AGBL1: variants seen among roughly 807,000 people sequenced by gnomAD.
AGBL1 encodes the protein cytosolic carboxypeptidase 4.
AGBL1 carries 130 observed loss-of-function variants against 118.9 expected under a neutral mutation model. That is an observed-to-expected ratio of 1.09 (90% CI 0.95 to 1.26). The LOEUF is 1.26. Ranked by LOEUF, AGBL1 falls within the 50% of genes most tolerant of loss-of-function variation. The pLI, the probability that AGBL1 is intolerant of heterozygous loss-of-function variation, is 0.00. For missense variants in AGBL1, 1,584 were observed against 1,298.1 expected, an observed-to-expected ratio of 1.22 and a Z score of -3.38; for synonymous variants, 555 against 478.9, an observed-to-expected ratio of 1.16 and a Z score of -2.08.
rs570090562 is a variant in AGBL1 at position 86,925,932 on chromosome 15, G to C, written c.3222-62055G>C. Among the ~76,000 whole-genome samples, 3 of 151,818 alleles carry C rather than the reference G, an allele frequency of 2.0e-5. No homozygotes were observed. In the East Asian group the frequency reaches 5.8e-4, roughly 30 times the overall value. On this transcript the variant is annotated intron_variant, in intron 23 of 24. Transcript: ENST00000441037. ...TTCTTAATAGAGACGGGGTTTCACT[G>C]TGTTAGTTACGATGGTCTCAATCTC...
rs549695644 is a variant in AGBL1, at chr15:86,810,699, A to T, written c.3159-96388A>T. The stretch of plus-strand genomic sequence containing the variant: ...TTGTGTGTGGCCAGTGCAGAGGAAA[A>T]TTTTTTTTCCATCTCTGGTGTGCTT... On this transcript the variant is annotated intron_variant, in intron 22 of 22. Coordinates refer to ENST00000614907, the MANE Select transcript of AGBL1 (RefSeq NM_001386094.1). Among the ~76,000 whole-genome samples the T allele has an allele frequency of 1.4e-4, 21 of 151,760 alleles. No individual in the cohort carries two copies. The South Asian group carries it at 2.1e-3, about 15-fold the overall frequency.
chr15:86,496,055 T>A (rs1156624521), intron 18 of AGBL1, among the ~76,000 whole-genome samples: 1 of 151,994 alleles, frequency 6.6e-6, no homozygotes, highest in Non-Finnish European at 1.5e-5. Flanking sequence ...TGTGTCCCTA[T>A]CCAGATCTTA....
At chr15:86,287,745 T>C (rs1246290888) in intron 16 of AGBL1, among the ~76,000 whole-genome samples, 1 of 152,116 alleles carries the variant, frequency 6.6e-6, no homozygotes, top group Admixed American at 6.6e-5. Flanking sequence ...CAAACAGATT[T>C]AATAAGAAAG....
chr15:86,885,461 G>T (rs953730489), intron 22 of AGBL1, among the ~76,000 whole-genome samples: 2 of 152,034 alleles, frequency 1.3e-5, no homozygotes, highest in African/African-American at 4.8e-5. Flanking sequence ...AATACCATAC[G>T]TTGATTATTT....
At chr15:86,821,820 T>C (rs868668961) in intron 22 of AGBL1, among the ~76,000 whole-genome samples, 28 of 152,326 alleles carry the variant, frequency 1.8e-4, no homozygotes, top group Middle Eastern at 6.8e-3. Context: ...CTGCTTCAGA[T>C]TTGCTCAGCT....
At chr15:87,017,210 C>T (rs1245136630) in intron 24 of AGBL1, among the ~76,000 whole-genome samples, 1 of 151,946 alleles carries the variant, frequency 6.6e-6, no homozygotes, top group Non-Finnish European at 1.5e-5. Flanking sequence ...AGCCTGCCAA[C>T]TCTGGAGAGT....
At chr15:86,758,278 T>G (rs1459411215) in intron 22 of AGBL1, among the ~76,000 whole-genome samples, 1 of 152,102 alleles carries the variant, frequency 6.6e-6, no homozygotes, top group Non-Finnish European at 1.5e-5. Context: ...ACAAGGTCTT[T>G]GCATAGTTTC....
chr15:86,330,954 G>A (rs1170128783), intron 17 of AGBL1, among the ~76,000 whole-genome samples: 2 of 152,106 alleles, frequency 1.3e-5, no homozygotes, highest in Non-Finnish European at 2.9e-5. Context: ...GGGAAGATGC[G>A]GTAGCTCATG....
chr15:86,667,900 T>C (rs1016650482), intron 21 of AGBL1, among the ~76,000 whole-genome samples: 3 of 152,064 alleles, frequency 2.0e-5, no homozygotes, highest in African/African-American at 7.2e-5. Context: ...AGAAAAGAGG[T>C]TTATTTGGCT....
intron 18 of AGBL1, among the ~76,000 whole-genome samples, chr15:86,404,722 A>T (rs547515616): frequency 1.3e-5 from 2 of 152,220 alleles, no homozygotes; most frequent in Non-Finnish European, 2.9e-5. Context: ...CCTTTTCTAC[A>T]TGGGATTATG....
chr15:86,605,447 A>G (rs2084561976), intron 21 of AGBL1, among the ~76,000 whole-genome samples: 1 of 152,114 alleles, frequency 6.6e-6, no homozygotes, highest in African/African-American at 2.4e-5. Flanking sequence ...GCAGCTAAAA[A>G]CTGTCCTTTG....
intron 22 of AGBL1, among the ~76,000 whole-genome samples, chr15:86,777,443 C>A (rs548634736): frequency 2.0e-5 from 3 of 151,588 alleles, no homozygotes; most frequent in Admixed American, 6.6e-5. Flanking sequence ...TTTCCCTTTA[C>A]AATATCATCT....
chr15:86,259,154 T>A (rs1264435082), intron 9 of AGBL1, among the ~76,000 whole-genome samples: 2 of 152,224 alleles, frequency 1.3e-5, no homozygotes, highest in African/African-American at 4.8e-5. Context: ...GTAGGATGTT[T>A]AGCAGCATTC....
intron 22 of AGBL1, among the ~76,000 whole-genome samples, chr15:86,786,252 C>T (rs545868600): frequency 4.4e-4 from 67 of 152,000 alleles, no homozygotes; most frequent in Non-Finnish European, 8.5e-4. Flanking sequence ...GCTATCCCTC[C>T]CCCTTCCCCC....
chr15:86,435,562 T>G (rs557591749), intron 18 of AGBL1, among the ~76,000 whole-genome samples: 3 of 152,296 alleles, frequency 2.0e-5, no homozygotes, highest in Admixed American at 6.5e-5. Context: ...AAATTAGAGA[T>G]TTAAGGTTCT....
At chr15:86,539,872 T>A (rs764779393) in intron 19 of AGBL1, among the ~76,000 whole-genome samples, 15 of 152,208 alleles carry the variant, frequency 9.9e-5, no homozygotes, top group Admixed American at 6.5e-4. Context: ...GCTGCTTATC[T>A]CTACTTCAGC....
intron 22 of AGBL1, among the ~76,000 whole-genome samples, chr15:86,743,015 C>T (rs911692833): frequency 6.6e-6 from 1 of 152,020 alleles, no homozygotes; most frequent in African/African-American, 2.4e-5. Context: ...TGTTTTGTAG[C>T]ACCTAGATGA....
At chr15:86,954,687 A>G (rs1393401358) in intron 23 of AGBL1, among the ~76,000 whole-genome samples, 21 of 152,106 alleles carry the variant, frequency 1.4e-4, no homozygotes. Context: ...TAGAAAAACT[A>G]CCTATTGGGT....
intron 23 of AGBL1, among the ~76,000 whole-genome samples, chr15:86,944,917 A>G (rs557141685): frequency 6.6e-6 from 1 of 152,280 alleles, no homozygotes; most frequent in African/African-American, 2.4e-5. Flanking sequence ...CAGTAGGACA[A>G]CGGCTGTAAA....
Sources: gnomAD v4.1 joint callset for allele counts (sites outside exome capture counted in the v4.1 genomes callset) on GRCh38, gnomAD v4.1.1 for gene constraint, MANE v1.5 for transcripts, NCBI Gene and HGNC (gene_info 2026-07-23, HGNC 2026-07-21) for gene names.